The following SELENON variants were observed in gnomAD, a reference collection of about 807,000 sequenced individuals.
The protein encoded by SELENON is selenoprotein N, 1.
A neutral mutation model predicts 59.5 loss-of-function variants in SELENON; 44 were observed. That is an observed-to-expected ratio of 0.74 (90% CI 0.58 to 0.95). The LOEUF is 0.95. Ranked by LOEUF, SELENON falls within the 40% of genes least tolerant of loss-of-function variation. The probability of loss-of-function intolerance (pLI) is 0.00; values close to 1 mark genes in which losing one functional copy is unlikely to be tolerated. For synonymous variants in SELENON, 320 were observed against 305.6 expected, an observed-to-expected ratio of 1.05 and a Z score of -0.49; for missense variants, 674 against 721.4, an observed-to-expected ratio of 0.93 and a Z score of 0.75.
chr1:25,811,646 T>G, intron 8 of SELENON, 45 bp from the exon 8 acceptor site: 2 of 1,609,452 alleles, frequency 1.2e-6, no homozygotes, highest in Non-Finnish European at 1.7e-6. Context: ...CTGAGGATTC[T>G]TGCCCATCTC....
chr1:25,805,405 T>G, intron 4 of SELENON, 130 bp downstream of exon 3: 1 of 1,263,284 alleles, frequency 7.9e-7, no homozygotes, highest in Non-Finnish European at 1.1e-6. Flanking sequence ...CCATGTGCGG[T>G]GATGTTGTCC....
chr1:25,805,648 C>T (rs2047900553), intron 4 of SELENON, among the ~76,000 whole-genome samples: 1 of 145,698 alleles, frequency 6.9e-6, no homozygotes, highest in Non-Finnish European at 1.5e-5. Context: ...GATTATTTCC[C>T]ACACACTATG....
chr1:25,812,478 C>CAT (rs1557432675), intron 9 of SELENON, among the ~76,000 whole-genome samples: 2 of 144,592 alleles, frequency 1.4e-5, no homozygotes, highest in Non-Finnish European at 2.9e-5. Flanking sequence ...CACACATACA[C>CAT]ACATATACAA....
intron 4 of SELENON, 81 bp downstream of exon 3, chr1:25,805,356 C>G (rs1368593797): frequency 6.3e-7 from 1 of 1,596,658 alleles, no homozygotes; most frequent in Non-Finnish European, 8.6e-7. Context: ...CATCTTTCCT[C>G]TGCCCTCTGT....
chr1:25,812,992 T>C (rs2047979987), intron 10 of SELENON, among the ~76,000 whole-genome samples, 200 bp downstream of exon 9: 1 of 152,136 alleles, frequency 6.6e-6, no homozygotes. Context: ...GAAAGGGCCC[T>C]GGCAGACTGG....
Position 25,807,073 on chromosome 1 carries a change from C to T in SELENON, c.538-1507C>T, listed in dbSNP as rs563176535. ...TCCTGACCTCGTGATCCACCTGCCT[C>T]GGCCTCCCGAATTATAGGCGTACAG... On this transcript the variant is annotated intron_variant, in intron 4 of 12. Coordinates refer to ENST00000361547, the MANE Select transcript of SELENON (RefSeq NM_020451.3). This position sits in a 1 kb window ranked among gnomAD's most constrained non-coding sequence, Gnocchi z 4.5. Among the ~76,000 whole-genome samples the T allele has an allele frequency of 7.9e-5, 12 of 152,118 alleles. No individual in the cohort carries two copies. The East Asian group carries it at 9.7e-4, about 12-fold the overall frequency.
intron 10 of SELENON, among the ~76,000 whole-genome samples, chr1:25,813,103 T>C (rs2047980966): frequency 2.0e-5 from 3 of 152,154 alleles, no homozygotes; most frequent in Admixed American, 2.0e-4. Context: ...CACACTTACC[T>C]CTCATAGCTG....
Position 25,811,534 on chromosome 1 carries a change from AG to A in SELENON, c.1092+1del. 6.2e-7 allele frequency: 1 copy of A among 1,614,042 alleles called. No individual in the cohort carries two copies. The highest frequency in any genetic ancestry group is 8.5e-7 in the Non-Finnish European group (1 of 1,179,962). ...GAGGTGGACATCGGCTACATACCCCAGGTGAGCGCACAGGAGGCTCCCATCC... is the reference window on the plus strand; with the variant it reads ...GAGGTGGACATCGGCTACATACCCCAGTGAGCGCACAGGAGGCTCCCATCC... On this transcript the variant is annotated frameshift_variant and splice_region_variant, in exon 8 of 13. Coordinates refer to ENST00000361547, the MANE Select transcript of SELENON (RefSeq NM_020451.3). LOFTEE classifies it high-confidence loss of function.
intron 4 of SELENON, among the ~76,000 whole-genome samples, chr1:25,806,748 C>G (rs577416185): frequency 4.9e-4 from 74 of 152,124 alleles, no homozygotes; most frequent in South Asian, 1.2e-3. Context: ...TGGGAATGAC[C>G]TTGAGGCTGG....
At chr1:25,812,462 TACAC>T (rs201582677) in intron 9 of SELENON, among the ~76,000 whole-genome samples, 2 of 146,848 alleles carry the variant, frequency 1.4e-5, no homozygotes, top group African/African-American at 5.5e-5. Flanking sequence ...AACATATATA[TACAC>T]ACACACATAC....
chr1:25,800,697 A>T (rs898035621), intron 1 of SELENON, among the ~76,000 whole-genome samples: 2 of 151,868 alleles, frequency 1.3e-5, no homozygotes, highest in African/African-American at 4.8e-5. Context: ...TGGTTCCCGC[A>T]GAGTCTTAAA....
intron 4 of SELENON, among the ~76,000 whole-genome samples, 194 bp from the exon 4 acceptor site, chr1:25,808,386 C>A (rs560550935): frequency 6.6e-6 from 1 of 151,888 alleles, no homozygotes; most frequent in Admixed American, 6.5e-5. Flanking sequence ...GGCACTGCAG[C>A]AGGGAGAGGA....
Position 25,815,557 on chromosome 1 carries a change from A to G in SELENON, c.1612A>G (p.Ile538Val). ...CCGGCCCTTCTCCCAGGTCCATCAC[A>G]TCAATGCCAACTACTTCTTGGACAT... Residue 538 changes from isoleucine (I) to valine (V), a missense_variant, in exon 13 of 13, where the codon ATC (isoleucine) becomes GTC (valine). Physicochemically the swap from Ile to Val is conservative, Grantham distance 29 (BLOSUM62 3). Transcript: ENST00000361547. 1 of 1,614,108 alleles carries G rather than the reference A, an allele frequency of 6.2e-7. No individual in the cohort carries two copies. Among genetic ancestry groups the G allele is most frequent in the Non-Finnish European group, 8.5e-7 (1 of 1,179,984 alleles).
chr1:25,808,874 CCA>C, intron 5 of SELENON, 85 bp downstream of exon 4: 1 of 1,579,072 alleles, frequency 6.3e-7, no homozygotes, highest in Non-Finnish European at 8.7e-7. Flanking sequence ...GACCCCAGTG[CCA>C]GGCCTGCTCC....
rs2048021238 is a variant in SELENON, at chr1:25,817,448, C to T, written c.*1730C>T. The T allele has an allele frequency of 6.6e-6, 1 of 152,298 alleles. No homozygotes were observed. Among genetic ancestry groups the T allele is most frequent in the South Asian group, 2.1e-4 (1 of 4,836 alleles). The allele number at this position is 152,298 out of a possible 1,614,324, so 9.4% of individuals were successfully genotyped here. A position where few individuals can be genotyped will look rare whatever the true frequency, so the allele number is the denominator to read the frequency against. ...CAGGCTGATCTGGAACTTCTGACCT[C>T]AGGTGATCCACCTGCCTCAGCCTCC... On this transcript the variant is annotated 3_prime_UTR_variant, in exon 13 of 13. Coordinates refer to ENST00000361547, the MANE Select transcript of SELENON (RefSeq NM_020451.3).
rs1057521978 is a variant in SELENON at position 25,800,239 on chromosome 1, G to C, written c.9G>C (p.Arg3=). 4.7e-6 allele frequency: 4 copies of C among 843,902 alleles called. No homozygotes were observed. The highest frequency in any genetic ancestry group is 5.7e-6 in the Non-Finnish European group (4 of 703,752). The allele number at this position is 843,902 out of a possible 1,614,324, so 52.3% of individuals were successfully genotyped here. The change falls in exon 1 of 13, where the codon CGG becomes CGC. Residue 3 remains arginine (R), a synonymous_variant. Transcript: ENST00000361547. ...CGCCGCCAGCCGCAGCCATGGGCCG[G>C]GCCCGGCCGGGCCAACGCGGGCCGC...
chr1:25,808,498 A>G, intron 4 of SELENON, 82 bp from the exon 4 acceptor site: 1 of 1,538,974 alleles, frequency 6.5e-7, no homozygotes, highest in Non-Finnish European at 9.0e-7. Flanking sequence ...TCGGGGCTTG[A>G]GGGAGACCTC....
chr1:25,801,838 G>A (rs2047863339), intron 2 of SELENON, among the ~76,000 whole-genome samples: 1 of 152,164 alleles, frequency 6.6e-6, no homozygotes, highest in South Asian at 2.1e-4. Context: ...GGCACAGGCA[G>A]GCTCCCCAGT....
rs1200384957 is a variant in SELENON, at chr1:25,812,354, A to T, written c.1282-333A>T. On this transcript the variant is annotated intron_variant, in intron 9 of 12. Coordinates refer to ENST00000361547, the MANE Select transcript of SELENON (RefSeq NM_020451.3). Reference sequence around the variant, plus strand: ...AGAGTGAGACTCCATCTCAAAATAAAAAATAAATGAAAATAATAATAATAA... The same window carrying T: ...AGAGTGAGACTCCATCTCAAAATAATAAATAAATGAAAATAATAATAATAA... Among the ~76,000 whole-genome samples, 4 of 152,046 alleles carry T rather than the reference A, an allele frequency of 2.6e-5. No individual in the cohort carries two copies. The East Asian group carries it at 7.7e-4, about 29-fold the overall frequency.
Sources: allele counts gnomAD v4.1 joint callset (sites outside exome capture counted in the v4.1 genomes callset), GRCh38; gene constraint gnomAD v4.1.1; non-coding constraint Gnocchi (gnomAD v3.1); transcripts MANE v1.5; gene names NCBI Gene and HGNC (gene_info 2026-07-23, HGNC 2026-07-21).